Variants in ZBTB45 observed in about 807,000 individuals in gnomAD.
The protein encoded by ZBTB45 is zinc finger and BTB domain-containing protein 45.
A neutral mutation model predicts 28.4 loss-of-function variants in ZBTB45; 22 were observed. The ratio of observed to expected loss-of-function variants is 0.77; its 90% CI spans 0.55 to 1.10. The LOEUF (loss-of-function observed/expected upper bound fraction) is 1.10, where lower values mean the gene tolerates loss of function less well. ZBTB45 is among the 50% of genes least tolerant of loss of function. The pLI is 0.00. For missense variants in ZBTB45, 656 were observed against 750.2 expected, an observed-to-expected ratio of 0.87 and a Z score of 1.47; for synonymous variants, 361 against 332.3, an observed-to-expected ratio of 1.09 and a Z score of -0.94.
At position 58,517,455 on chromosome 19, in the gene ZBTB45, C is replaced by G; in HGVS notation, c.219G>C (p.Pro73=). Residue 73 remains proline, a synonymous_variant, in exon 2 of 3, where the codon CCG becomes CCC. Coordinates refer to ENST00000594051, the MANE Select transcript of ZBTB45 (RefSeq NM_001316979.2). ...LLGHSEIRVP[P]VVPAQTVRQL... is the part of the protein sequence containing the mutation. ...GTCGCACTGTCTGCGCGGGCACCAC[C>G]GGAGGCACACGGATCTCAGAGTGGC... 6.2e-7 allele frequency: 1 copy of G among 1,613,104 alleles called. No individual in the cohort carries two copies. Among genetic ancestry groups the G allele is most frequent in the Non-Finnish European group, 8.5e-7 (1 of 1,179,924 alleles).
chr19:58,515,230 C>A lies in ZBTB45; in HGVS notation c.1280-920G>T, dbSNP rs1263451405. The stretch of plus-strand genomic sequence containing the variant: ...ACTTGGGAGACTGAGGCACAAGAAT[C>A]ACTTGAACCCAGGAGGCAGAGGTTG... On this transcript the variant is annotated intron_variant, in intron 2 of 2. Transcript: ENST00000594051. The surrounding 1 kb of genome is among the most constrained non-coding windows in gnomAD (Gnocchi z 4.7). Among the ~76,000 whole-genome samples, 1 of 151,828 alleles carries A rather than the reference C, an allele frequency of 6.6e-6. No individual in the cohort carries two copies. The highest frequency in any genetic ancestry group is 1.5e-5 in the Non-Finnish European group (1 of 67,992).
upstream of ZBTB45, among the ~76,000 whole-genome samples, chr19:58,521,956 G>C (rs151202318): frequency 1.8e-4 from 28 of 152,220 alleles, no homozygotes; most frequent in Non-Finnish European, 3.7e-4. Flanking sequence ...CAGCTACTGG[G>C]TGATTGTGTT....
chr19:58,537,886 G>C (rs2053669071), intron 1 of ZBTB45, among the ~76,000 whole-genome samples: 2 of 151,184 alleles, frequency 1.3e-5, no homozygotes, highest in Non-Finnish European at 2.9e-5. Flanking sequence ...TGCCCAGGCT[G>C]GAGTGCAATG....
chr19:58,516,325 T>C lies in ZBTB45; in HGVS notation c.1279+70A>G, dbSNP rs1302479859. 9.5e-6 allele frequency: 15 copies of C among 1,581,714 alleles called. No homozygotes were observed. In the South Asian group the frequency reaches 1.3e-4, roughly 13 times the overall value. On this transcript the variant is annotated intron_variant, in intron 2 of 2. Transcript: ENST00000594051. This position sits in a 1 kb window ranked among gnomAD's most constrained non-coding sequence, Gnocchi z 6.2. ...AACAGTGCCAGTGCCCTGTAACTAG[T>C]GCTCAATTCCCCCTCAGGTTTAACT...
rs200208850 is a variant in ZBTB45, at chr19:58,516,610, G to A, written c.1064C>T (p.Ala355Val). ...TGTGGGGTAGAAGGCGGGTGGGGGC[G>A]CAGGGGCTGGCCCCGATGGTGCTGA... ...PPSAPSGPAP[A>V]PPPAFYPTLQ... is the part of the protein sequence containing the mutation. The change falls in exon 2 of 3, where the codon GCG (alanine) becomes GTG (valine). Residue 355 changes from alanine to valine, a missense_variant. Around this residue, in one of 3 missense-constraint regions of ZBTB45, gnomAD observed 448 missense variants for 444.3 expected, o/e 1.01. Transcript: ENST00000594051. This position sits in a 1 kb window ranked among gnomAD's most constrained non-coding sequence, Gnocchi z 6.2. The A allele has an allele frequency of 9.2e-5, 143 of 1,558,134 alleles. No individual in the cohort carries two copies. Among genetic ancestry groups the A allele is most frequent in the African/African-American group, 6.0e-4 (44 of 73,884 alleles).
Position 58,514,145 on chromosome 19 carries a change from C to A in ZBTB45, c.1445G>T (p.Arg482Leu), listed in dbSNP as rs1410104415. ...GGCGGGGCAGGGCGCGCGCTCGGGC[C>A]GGTGAGTGCGCATGTGCACGTTGAG... ...SSLNVHMRTH[R>L]PERAPCPACG... is the part of the protein sequence containing the mutation. The change falls in exon 3 of 3, where the codon CGG becomes CTG. Residue 482 changes from arginine to leucine, a missense_variant. By Grantham distance (102) the Arg-to-Leu change is moderately radical. This residue lies in a region of ZBTB45 where 103 missense variants were observed against 153.5 expected (regional missense o/e 0.67). Transcript: ENST00000594051. 6.2e-7 allele frequency: 1 copy of A among 1,606,782 alleles called. No individual in the cohort carries two copies. Among genetic ancestry groups the A allele is most frequent in the African/African-American group, 1.3e-5 (1 of 74,878 alleles).
intron 1 of ZBTB45, among the ~76,000 whole-genome samples, chr19:58,531,144 C>T (rs1343372506): frequency 6.6e-6 from 1 of 152,186 alleles, no homozygotes; most frequent in Admixed American, 6.5e-5. Flanking sequence ...CATCCTCACT[C>T]TCACTTGTCA....
rs199647138 is a variant in ZBTB45, at chr19:58,534,556, A to AT, written c.-1+4144dup. On this transcript the variant is annotated intron_variant, in intron 1 of 1. Transcript: ENST00000600130. ...AGGCACGTGCCACCACGCCCAGCTAATTTTTTTTTTTTTTTTTTGAGGCGG... is the reference window on the plus strand; with the variant it reads ...AGGCACGTGCCACCACGCCCAGCTAATTTTTTTTTTTTTTTTTTTGAGGCGG... Among the ~76,000 whole-genome samples the AT allele has an allele frequency of 3.0e-3, 376 of 124,536 alleles. 1 individual carries two copies. The highest frequency in any genetic ancestry group is 5.3e-3 in the African/African-American group (168 of 31,686). 81.7% of individuals were successfully genotyped at this position (124,536 alleles called of 152,430 possible).
chr19:58,538,174 C>G (rs1259037535), intron 1 of ZBTB45, among the ~76,000 whole-genome samples: 1 of 152,078 alleles, frequency 6.6e-6, no homozygotes, highest in East Asian at 1.9e-4. Context: ...ACACCTCGCC[C>G]TGTGCACTGC....
chr19:58,518,353 C>G (rs911471978), intron 1 of ZBTB45, among the ~76,000 whole-genome samples: 1 of 152,166 alleles, frequency 6.6e-6, no homozygotes, highest in African/African-American at 2.4e-5. Flanking sequence ...TGCCTAGTCA[C>G]TAAGGGCTGA....
chr19:58,534,970 C>G (rs151087635), intron 1 of ZBTB45, among the ~76,000 whole-genome samples: 1 of 151,978 alleles, frequency 6.6e-6, no homozygotes, highest in Admixed American at 6.6e-5. Context: ...ATTCTCATGC[C>G]TCAGCCTCCC....
At chr19:58,523,316 C>T (rs957854606), upstream of ZBTB45, among the ~76,000 whole-genome samples, 3 of 151,968 alleles carry the variant, frequency 2.0e-5, no homozygotes, top group Admixed American at 1.3e-4. Flanking sequence ...GAGGCTTAGG[C>T]AGGTGGATCA....
At chr19:58,525,458 C>T (rs919876829) in intron 1 of ZBTB45, among the ~76,000 whole-genome samples, 2 of 152,152 alleles carry the variant, frequency 1.3e-5, no homozygotes, top group Non-Finnish European at 2.9e-5. Context: ...AGACTTGAGC[C>T]CTTCTGATGG....
At chr19:58,536,816 T>C (rs2053662854) in intron 1 of ZBTB45, among the ~76,000 whole-genome samples, 2 of 152,040 alleles carry the variant, frequency 1.3e-5, no homozygotes, top group African/African-American at 2.4e-5. Context: ...AACCAGGCAG[T>C]AGGCAGTCCT....
At position 58,514,038 on chromosome 19, in the gene ZBTB45, CCAGG is replaced by C. The variant is rs2053452064; in HGVS notation, c.*12_*15del. ...GGCCCCGGATCCACCGTGGGCGAGGCCAGGCCCCAGCGCCATCAGGGCGCAGGGT... is the reference window on the plus strand; with the variant it reads ...GGCCCCGGATCCACCGTGGGCGAGGCCCCCAGCGCCATCAGGGCGCAGGGT... On this transcript the variant is annotated 3_prime_UTR_variant, in exon 3 of 3. Coordinates refer to ENST00000594051, the MANE Select transcript of ZBTB45 (RefSeq NM_001316979.2). 4.3e-6 allele frequency: 6 copies of C among 1,410,294 alleles called. No homozygotes were observed. In the African/African-American group the frequency reaches 7.5e-5, roughly 18 times the overall value. The allele number at this position is 1,410,294 out of a possible 1,614,324, so 87.4% of individuals were successfully genotyped here.
rs547526496 is a variant in ZBTB45 at position 58,515,283 on chromosome 19, T to C, written c.1280-973A>G. Among the ~76,000 whole-genome samples the C allele has an allele frequency of 6.6e-6, 1 of 150,660 alleles. No individual in the cohort carries two copies. The highest frequency in any genetic ancestry group is 1.9e-4 in the East Asian group (1 of 5,142). On this transcript the variant is annotated intron_variant, in intron 2 of 2. Transcript: ENST00000594051. The surrounding 1 kb of genome is among the most constrained non-coding windows in gnomAD (Gnocchi z 4.7). ...GTGAGCCGAGATCACACCACTGCAC[T>C]CCAGCCTGGGCAACAGAGGGAGACT... is the stretch of plus-strand genomic sequence containing the variant.
At chr19:58,518,169 C>T (rs536650573) in intron 1 of ZBTB45, among the ~76,000 whole-genome samples, 1 of 152,178 alleles carries the variant, frequency 6.6e-6, no homozygotes, top group Admixed American at 6.5e-5. Flanking sequence ...CACTCCTCCT[C>T]CACCCCTGCT....
In ZBTB45 at chr19:58,516,207, C is replaced by A. The variant is rs953492609; in HGVS notation, c.1279+188G>T. 7.9e-5 allele frequency among the ~76,000 whole-genome samples: 12 copies of A among 152,154 alleles called. No homozygotes were observed. Among genetic ancestry groups the A allele is most frequent in the African/African-American group, 2.9e-4 (12 of 41,428 alleles). ...CCCCCTCCACAGAAGCCAGTGCCTG[C>A]TGCTCCACAGAGTGGGGCTTTCCCC... On this transcript the variant is annotated intron_variant, in intron 2 of 2. Coordinates refer to ENST00000594051, the MANE Select transcript of ZBTB45 (RefSeq NM_001316979.2). The surrounding 1 kb of genome is among the most constrained non-coding windows in gnomAD (Gnocchi z 6.2).
At chr19:58,535,933 G>C (rs2053657576) in intron 1 of ZBTB45, among the ~76,000 whole-genome samples, 1 of 152,116 alleles carries the variant, frequency 6.6e-6, no homozygotes. Flanking sequence ...GCCAAGAAGA[G>C]AGCCCAGAGA....
Sources: gnomAD v4.1 joint callset for allele counts (sites outside exome capture counted in the v4.1 genomes callset) on GRCh38, gnomAD v4.1.1 for gene constraint, gnomAD v4.1.1 regional missense constraint, Gnocchi (gnomAD v3.1) non-coding constraint, MANE v1.5 for transcripts, NCBI Gene and HGNC (gene_info 2026-07-23, HGNC 2026-07-21) for gene names.